The following NR3C2 variants were observed in gnomAD, a reference collection of about 807,000 sequenced individuals.
NR3C2 encodes mineralocorticoid receptor.
In NR3C2, 15 loss-of-function variants were observed where a neutral mutation model predicts 86.4. The ratio of observed to expected loss-of-function variants is 0.17; its 90% CI spans 0.12 to 0.27. The LOEUF (loss-of-function observed/expected upper bound fraction) is 0.27, where lower values mean the gene tolerates loss of function less well. NR3C2 is among the 10% of genes least tolerant of loss of function. The probability of loss-of-function intolerance (pLI) is 1.00; values close to 1 mark genes in which losing one functional copy is unlikely to be tolerated. For missense variants in NR3C2, 960 were observed against 1,195.6 expected (o/e 0.80, Z 2.91); for synonymous variants, 458 against 450.5 (o/e 1.02, Z -0.21).
At chr4:148,444,405 TC>T, upstream of NR3C2, 2 of 985,872 alleles carry the variant, frequency 2.0e-6, no homozygotes, top group South Asian at 9.4e-5. Flanking sequence ...GCATCCCACC[TC>T]CGCTCGCCAA....
intron 2 of NR3C2, among the ~76,000 whole-genome samples, chr4:148,331,190 G>A (rs113589796): frequency 2.6e-5 from 4 of 151,438 alleles, no homozygotes; most frequent in Non-Finnish European, 5.9e-5. Flanking sequence ...AGTGCAAAAG[G>A]AAAAAAAATA....
chr4:148,162,858 G>C (rs1734725926), intron 4 of NR3C2, among the ~76,000 whole-genome samples: 1 of 152,066 alleles, frequency 6.6e-6, no homozygotes, highest in African/African-American at 2.4e-5. Context: ...TAGACCTTGA[G>C]GAGTATCAGA....
intron 4 of NR3C2, among the ~76,000 whole-genome samples, chr4:148,179,133 G>A (rs1209474586): frequency 6.6e-6 from 1 of 151,442 alleles, no homozygotes; most frequent in Middle Eastern, 3.2e-3. Context: ...ACCACAAAAC[G>A]ATTTTAACAG....
At chr4:148,106,961 AT>A (rs1731826942) in intron 8 of NR3C2, among the ~76,000 whole-genome samples, 1 of 152,252 alleles carries the variant, frequency 6.6e-6, no homozygotes, top group African/African-American at 2.4e-5. Context: ...CAAAGATTTC[AT>A]GAGTAAAACA....
intron 2 of NR3C2, among the ~76,000 whole-genome samples, chr4:148,337,737 A>G (rs1200456462): frequency 6.6e-6 from 1 of 152,178 alleles, no homozygotes; most frequent in South Asian, 2.1e-4. Flanking sequence ...TATATGGTAC[A>G]TTTCTAAAAT....
Position 148,154,572 on chromosome 4 carries a change from T to G in NR3C2, c.2344A>C (p.Lys782Gln). The G allele has an allele frequency of 6.2e-7, 1 of 1,614,212 alleles. No homozygotes were observed. The highest frequency in any genetic ancestry group is 8.5e-7 in the Non-Finnish European group (1 of 1,180,038). The change falls in exon 5 of 9, where the codon AAG becomes CAG. Residue 782 changes from lysine to glutamine, a missense_variant. Lys to Gln is a moderately conservative substitution (Grantham distance 53). Transcript: ENST00000358102. ...LAGKQMIQVVKWAKVLPGFKN... is the reference protein window; with the variant it reads ...LAGKQMIQVVQWAKVLPGFKN... Reference sequence around the variant, plus strand: ...CTACCTGGAAGTACCTTTGCCCACTTCACGACTTGGATCATCTGTTTGCCT... The same window carrying G: ...CTACCTGGAAGTACCTTTGCCCACTGCACGACTTGGATCATCTGTTTGCCT...
chr4:148,414,625 C>A (rs960798467), intron 2 of NR3C2, among the ~76,000 whole-genome samples: 4 of 151,264 alleles, frequency 2.6e-5, no homozygotes, highest in East Asian at 1.9e-4. Context: ...TGTTATTTTT[C>A]AAAAAAAATA....
intron 2 of NR3C2, among the ~76,000 whole-genome samples, chr4:148,339,017 C>T (rs937291742): frequency 2.0e-5 from 3 of 152,006 alleles, no homozygotes; most frequent in African/African-American, 7.3e-5. Flanking sequence ...AAAGAAAAAG[C>T]CATGAGAAAA....
intron 2 of NR3C2, among the ~76,000 whole-genome samples, chr4:148,276,456 A>G (rs1740966602): frequency 6.6e-6 from 1 of 152,166 alleles, no homozygotes; most frequent in Admixed American, 6.5e-5. Flanking sequence ...TTACTACTCA[A>G]AAGAGTTACA....
chr4:148,359,839 A>G (rs915461841), intron 2 of NR3C2, among the ~76,000 whole-genome samples: 2 of 152,222 alleles, frequency 1.3e-5, no homozygotes, highest in African/African-American at 4.8e-5. Context: ...AATGTAATGT[A>G]CAGGAGAGCT....
intron 2 of NR3C2, among the ~76,000 whole-genome samples, chr4:148,305,394 CGTAGA>C (rs1321681747): frequency 6.6e-6 from 1 of 152,054 alleles, no homozygotes; most frequent in Non-Finnish European, 1.5e-5. Flanking sequence ...TCCCAAGAGA[CGTAGA>C]GTATTTTAGA....
chr4:148,355,535 T>C (rs1745511119), intron 2 of NR3C2, among the ~76,000 whole-genome samples: 1 of 152,130 alleles, frequency 6.6e-6, no homozygotes, highest in African/African-American at 2.4e-5. Flanking sequence ...CCTTCCTGAA[T>C]TTCCCAGGCA....
At chr4:148,444,421 C>T (rs1750494840), upstream of NR3C2, 2 of 986,170 alleles carry the variant, frequency 2.0e-6, no homozygotes, top group Non-Finnish European at 1.2e-6. Flanking sequence ...CGCCAACCCG[C>T]GCCCTCTGCC....
intron 2 of NR3C2, among the ~76,000 whole-genome samples, chr4:148,320,087 T>G (rs6535601): frequency 0.6 from 60,366 of 100,160 alleles, 20,420 homozygotes; most frequent in East Asian, 0.8. Context: ...TTAGCATGAA[T>G]GGTTGTTGAA....
chr4:148,105,345 A>G (rs943504306), intron 8 of NR3C2, among the ~76,000 whole-genome samples: 1 of 152,242 alleles, frequency 6.6e-6, no homozygotes, highest in African/African-American at 2.4e-5. Context: ...GAATCCCTGA[A>G]TAGACCAATA....
At chr4:148,191,557 G>A (rs569732987) in intron 4 of NR3C2, among the ~76,000 whole-genome samples, 2 of 152,228 alleles carry the variant, frequency 1.3e-5, no homozygotes, top group East Asian at 1.9e-4. Context: ...AGTTTTTCTC[G>A]ATTATTCCCC....
At chr4:148,371,922 T>G (rs939550050) in intron 2 of NR3C2, among the ~76,000 whole-genome samples, 10 of 152,178 alleles carry the variant, frequency 6.6e-5, no homozygotes, top group Non-Finnish European at 1.2e-4. Flanking sequence ...CAACACTTAT[T>G]TCTATGCCCT....
chr4:148,226,447 A>G (rs1020613839), intron 3 of NR3C2, among the ~76,000 whole-genome samples: 3 of 152,068 alleles, frequency 2.0e-5, no homozygotes, highest in Non-Finnish European at 2.9e-5. Flanking sequence ...CATTCTTTTC[A>G]TTGCTGAATA....
At chr4:148,233,063 GACTGATACCAGCCTTAAA>G (rs1184615119) in intron 3 of NR3C2, among the ~76,000 whole-genome samples, 1 of 152,182 alleles carries the variant, frequency 6.6e-6, no homozygotes, top group East Asian at 1.9e-4. Flanking sequence ...TCAGCATTAA[GACTGATACCAGCCTTAAA>G]AGTGCGAATC....
Sources: allele counts gnomAD v4.1 joint callset (sites outside exome capture counted in the v4.1 genomes callset), GRCh38; gene constraint gnomAD v4.1.1; transcripts MANE v1.5; gene names NCBI Gene and HGNC (gene_info 2026-07-23, HGNC 2026-07-21).